The following RALGAPA1 variants were observed in gnomAD, a reference collection of about 807,000 sequenced individuals.
RALGAPA1 encodes Ral GTPase activating protein catalytic subunit alpha 1.
A neutral mutation model predicts 269.6 loss-of-function variants in RALGAPA1; 52 were observed. The ratio of observed to expected loss-of-function variants is 0.19; its 90% confidence interval spans 0.15 to 0.24. RALGAPA1 has a LOEUF of 0.24. RALGAPA1 is among the 10% of genes least tolerant of loss of function. The pLI, the probability that RALGAPA1 is intolerant of heterozygous loss-of-function variation, is 1.00. For missense variants in RALGAPA1, 1,917 were observed against 3,013.9 expected (o/e 0.64, Z 8.52); for synonymous variants, 817 against 1,008.3 (o/e 0.81, Z 3.60).
At chr14:35,677,728 A>G in intron 22 of RALGAPA1, 2 of 477,594 alleles carry the variant, frequency 4.2e-6, no homozygotes, top group Non-Finnish European at 7.3e-6. Context: ...GCAATAACTA[A>G]TTTGAGGACT....
chr14:35,657,513 A>G (rs111228180), intron 28 of RALGAPA1, among the ~76,000 whole-genome samples: 66 of 151,354 alleles, frequency 4.4e-4, no homozygotes, highest in African/African-American at 1.5e-3. Context: ...CTAAAAAAAC[A>G]TATACTAAAA....
intron 35 of RALGAPA1, among the ~76,000 whole-genome samples, chr14:35,608,589 T>C (rs2059728103): frequency 6.6e-6 from 1 of 152,038 alleles, no homozygotes; most frequent in Non-Finnish European, 1.5e-5. Context: ...GAACAAAAAA[T>C]GTTAGAGATA....
intron 1 of RALGAPA1, among the ~76,000 whole-genome samples, chr14:35,804,106 A>C (rs1441799806): frequency 6.7e-6 from 1 of 149,170 alleles, no homozygotes; most frequent in African/African-American, 2.5e-5. Flanking sequence ...CTATTTAAGT[A>C]CAAAAATTAG....
At chr14:35,618,047 A>T (rs2060374727) in intron 35 of RALGAPA1, among the ~76,000 whole-genome samples, 2 of 152,194 alleles carry the variant, frequency 1.3e-5, no homozygotes. Context: ...TAAAACCTGG[A>T]AAGAGTAATA....
At chr14:35,666,472 G>C in intron 26 of RALGAPA1, among the ~76,000 whole-genome samples, 1 of 152,130 alleles carries the variant, frequency 6.6e-6, no homozygotes, top group Non-Finnish European at 1.5e-5. Flanking sequence ...TGATCTGCCT[G>C]TGTCAGTCTC....
intron 17 of RALGAPA1, among the ~76,000 whole-genome samples, chr14:35,698,148 C>A (rs2067045680): frequency 6.6e-6 from 1 of 152,030 alleles, no homozygotes; most frequent in Admixed American, 6.6e-5. Context: ...GCATATTACC[C>A]CAGATAGGGA....
chr14:35,663,239 G>A (rs189748369), intron 27 of RALGAPA1, among the ~76,000 whole-genome samples: 3 of 151,960 alleles, frequency 2.0e-5, no homozygotes, highest in Non-Finnish European at 2.9e-5. Context: ...AGTATGTTAG[G>A]GTACGATGAT....
intron 1 of RALGAPA1, among the ~76,000 whole-genome samples, chr14:35,782,727 A>G (rs912255388): frequency 3.3e-5 from 5 of 152,114 alleles, no homozygotes; most frequent in Non-Finnish European, 7.4e-5. Context: ...CCCAGCCTCA[A>G]TGTACTCTTT....
intron 3 of RALGAPA1, among the ~76,000 whole-genome samples, chr14:35,772,915 T>C (rs1012362211): frequency 3.9e-5 from 6 of 152,132 alleles, no homozygotes; most frequent in Admixed American, 2.6e-4. Context: ...GTAAACCCCA[T>C]ATGAAAGGAT....
At chr14:35,744,483 A>G (rs1469397214) in intron 10 of RALGAPA1, among the ~76,000 whole-genome samples, 2 of 152,034 alleles carry the variant, frequency 1.3e-5, no homozygotes, top group Non-Finnish European at 2.9e-5. Flanking sequence ...GCCACTTTCT[A>G]TTATAGAGTT....
chr14:35,717,533 C>T (rs564542893), intron 16 of RALGAPA1, among the ~76,000 whole-genome samples: 35 of 152,172 alleles, frequency 2.3e-4, no homozygotes, highest in Middle Eastern at 6.8e-3. Flanking sequence ...AGTACTTCCA[C>T]GTAATTATGA....
chr14:35,769,905 T>C (rs546767931), intron 4 of RALGAPA1, among the ~76,000 whole-genome samples: 19 of 152,194 alleles, frequency 1.2e-4, no homozygotes, highest in Admixed American at 7.2e-4. Flanking sequence ...CTACCACTCA[T>C]TCACAAACTG....
rs1461882627 is a variant in RALGAPA1, at chr14:35,683,861, T to C, written c.4419A>G (p.Glu1473=). Residue 1473 remains glutamate, a synonymous_variant, in exon 21 of 42, where the codon GAA becomes GAG. Coordinates refer to ENST00000680220, the MANE Select transcript of RALGAPA1 (RefSeq NM_001346249.2). ...AAGCTTGCTGATTAAGACTGCTTGT[T>C]TCAGAATCTATATGAAGAGTAGTTA... The part of the protein sequence containing the change: ...ASLTTLHIDS[E]TSSLNQQAFS... 6.2e-7 allele frequency: 1 copy of C among 1,611,626 alleles called. No individual in the cohort carries two copies. The highest frequency in any genetic ancestry group is 8.5e-7 in the Non-Finnish European group (1 of 1,178,496).
At chr14:35,784,667 A>G (rs906320939) in intron 1 of RALGAPA1, among the ~76,000 whole-genome samples, 4 of 152,168 alleles carry the variant, frequency 2.6e-5, no homozygotes, top group Non-Finnish European at 5.9e-5. Flanking sequence ...AAGAAGCTGA[A>G]GAGCTCATGG....
chr14:35,625,597 G>A (rs1330512008), intron 34 of RALGAPA1, among the ~76,000 whole-genome samples, 165 bp from the exon 35 acceptor site: 4 of 152,086 alleles, frequency 2.6e-5, no homozygotes, highest in African/African-American at 4.8e-5. Flanking sequence ...AAGAATATAC[G>A]TCATTATTTC....
chr14:35,643,781 C>A (rs572701929), intron 31 of RALGAPA1, among the ~76,000 whole-genome samples: 21 of 152,164 alleles, frequency 1.4e-4, no homozygotes, highest in African/African-American at 5.1e-4. Flanking sequence ...ATAAGCCAGG[C>A]ACAGAAAGAC....
At position 35,748,833 on chromosome 14, in the gene RALGAPA1, C is replaced by CA. The variant is rs56861116; in HGVS notation, c.1012-10dup. ...AAACTAGCAGCTGCTCTCTAAAATA[C>CA]AAAAAAAAAAAAAAAAGAGAGAAAC... On this transcript the variant is annotated splice_polypyrimidine_tract_variant and intron_variant, in intron 9 of 41. Transcript: ENST00000680220. 109,046 of 1,235,526 alleles carry CA rather than the reference C, an allele frequency of 0.088. 1,093 individuals carry two copies. The highest frequency in any genetic ancestry group is 0.25 in the African/African-American group (13,911 of 55,112). The allele number at this position is 1,235,526 out of a possible 1,614,324, so 76.5% of individuals were successfully genotyped here. A position where few individuals can be genotyped will look rare whatever the true frequency, so the allele number is the denominator to read the frequency against.
At chr14:35,695,839 A>C (rs2066854259) in intron 17 of RALGAPA1, among the ~76,000 whole-genome samples, 1 of 152,204 alleles carries the variant, frequency 6.6e-6, no homozygotes, top group Admixed American at 6.5e-5. Context: ...TCAGGAAAAT[A>C]ATGACTGTCA....
Position 35,700,199 on chromosome 14 carries a change from A to G in RALGAPA1, c.2370T>C (p.Pro790=). ...CAGAAAGGGGAGTGAGAACAATATC[A>G]GGCAAGAAGGGTTTGGAAGTATGGA... ...VLIHTSKPFL[P]DIVLTPLSDE... Residue 790 remains proline (P), a synonymous_variant, in exon 17 of 42, where the codon CCT becomes CCC. Transcript: ENST00000680220. 1.3e-6 allele frequency: 2 copies of G among 1,535,150 alleles called. No individual in the cohort carries two copies. The highest frequency in any genetic ancestry group is 1.7e-6 in the Non-Finnish European group (2 of 1,146,550).
Sources: gnomAD v4.1 joint callset for allele counts (sites outside exome capture counted in the v4.1 genomes callset) on GRCh38, gnomAD v4.1.1 for gene constraint, MANE v1.5 for transcripts, NCBI Gene and HGNC (gene_info 2026-07-23, HGNC 2026-07-21) for gene names.